RBFOX1: variants seen among roughly 807,000 people sequenced by gnomAD.
RBFOX1 encodes RNA binding fox-1 homolog 1, also known as RNA binding protein fox-1 homolog 1.
In RBFOX1, 8 loss-of-function variants were observed where a neutral mutation model predicts 57.7. The observed-to-expected ratio is 0.14, with a 90% CI of 0.08 to 0.25. The LOEUF is 0.25. Ranked by LOEUF, RBFOX1 falls within the 10% of genes least tolerant of loss-of-function variation. The pLI, the probability that RBFOX1 is intolerant of heterozygous loss-of-function variation, is 1.00. For missense variants in RBFOX1, 611 were observed against 548.5 expected, an observed-to-expected ratio of 1.11 and a Z score of -1.14; for synonymous variants, 326 against 222.4, an observed-to-expected ratio of 1.47 and a Z score of -4.15.
intron 4 of RBFOX1, among the ~76,000 whole-genome samples, chr16:7,195,159 C>G (rs2086388398): frequency 6.6e-6 from 1 of 152,120 alleles, no homozygotes; most frequent in African/African-American, 2.4e-5. Flanking sequence ...TATTGCATTT[C>G]TTGTTGGACC....
At chr16:6,398,587 C>T (rs927857054) in intron 2 of RBFOX1, among the ~76,000 whole-genome samples, 8 of 152,122 alleles carry the variant, frequency 5.3e-5, no homozygotes, top group African/African-American at 1.9e-4. Flanking sequence ...GTCCAAAATC[C>T]ATTAGGGCAG....
intron 3 of RBFOX1, among the ~76,000 whole-genome samples, chr16:6,672,942 T>C (rs1460613052): frequency 6.6e-6 from 1 of 152,154 alleles, no homozygotes; most frequent in Non-Finnish European, 1.5e-5. Flanking sequence ...TGTGGGATGT[T>C]GATCAACCTG....
At chr16:7,402,167 C>G (rs769613087) in intron 4 of RBFOX1, among the ~76,000 whole-genome samples, 1 of 152,036 alleles carries the variant, frequency 6.6e-6, no homozygotes, top group Non-Finnish European at 1.5e-5. Flanking sequence ...TTATAAAACT[C>G]GAGCTGTGAT....
chr16:6,823,570 C>A (rs542348790), intron 3 of RBFOX1, among the ~76,000 whole-genome samples: 1 of 152,142 alleles, frequency 6.6e-6, no homozygotes, highest in East Asian at 1.9e-4. Context: ...ACATGAAATT[C>A]TTATAAGGGA....
intron 2 of RBFOX1, among the ~76,000 whole-genome samples, chr16:5,579,433 C>T (rs569000554): frequency 1.2e-4 from 18 of 152,172 alleles, no homozygotes; most frequent in Non-Finnish European, 2.6e-4. Flanking sequence ...TCTTACTGTG[C>T]TCCCCGCATC....
chr16:6,215,070 G>A (rs1317769554), intron 1 of RBFOX1, among the ~76,000 whole-genome samples: 1 of 135,242 alleles, frequency 7.4e-6, no homozygotes, highest in Non-Finnish European at 1.6e-5. Context: ...AGAGGGACGG[G>A]GAGATGGGGA....
intron 1 of RBFOX1, among the ~76,000 whole-genome samples, chr16:5,333,339 G>C (rs1450615182): frequency 6.6e-6 from 1 of 152,350 alleles, no homozygotes; most frequent in East Asian, 1.9e-4. Flanking sequence ...CCATTCGTTT[G>C]CATATTGTGT....
At chr16:7,432,043 C>T (rs935422676) in intron 4 of RBFOX1, among the ~76,000 whole-genome samples, 1 of 152,220 alleles carries the variant, frequency 6.6e-6, no homozygotes, top group Non-Finnish European at 1.5e-5. Context: ...TTACACCCAG[C>T]CCAGTGGGAA....
chr16:6,353,550 C>A (rs2152851383), intron 2 of RBFOX1, among the ~76,000 whole-genome samples: 1 of 152,046 alleles, frequency 6.6e-6, no homozygotes, highest in Middle Eastern at 3.4e-3. Context: ...TTTGCTGGAC[C>A]TAGAGAGCCA....
chr16:6,515,610 C>A (rs569303904), intron 2 of RBFOX1, among the ~76,000 whole-genome samples: 1 of 152,218 alleles, frequency 6.6e-6, no homozygotes, highest in East Asian at 1.9e-4. Flanking sequence ...GGATCAAAAT[C>A]CTTCCATTAT....
intron 4 of RBFOX1, among the ~76,000 whole-genome samples, chr16:7,144,170 A>G (rs534796417): frequency 6.6e-6 from 1 of 152,320 alleles, no homozygotes; most frequent in East Asian, 1.9e-4. Context: ...TGTTTAAGAA[A>G]GGACATGGAT....
chr16:5,564,007 T>G (rs1275707094), intron 2 of RBFOX1, among the ~76,000 whole-genome samples: 1 of 151,674 alleles, frequency 6.6e-6, no homozygotes, highest in Non-Finnish European at 1.5e-5. Flanking sequence ...TAGGAGAGAG[T>G]TTTTTTAAAA....
At chr16:6,852,008 C>G (rs1276243660) in intron 3 of RBFOX1, among the ~76,000 whole-genome samples, 1 of 148,988 alleles carries the variant, frequency 6.7e-6, no homozygotes, top group Non-Finnish European at 1.5e-5. Context: ...TCACTGCAAG[C>G]TCCATCTCCC....
intron 3 of RBFOX1, among the ~76,000 whole-genome samples, chr16:6,835,399 G>T (rs368668242): frequency 6.6e-6 from 1 of 151,974 alleles, no homozygotes; most frequent in Non-Finnish European, 1.5e-5. Context: ...TGTATTAAAG[G>T]GACACAAGAT....
At chr16:5,817,341 A>T (rs2055679717) in intron 3 of RBFOX1, among the ~76,000 whole-genome samples, 7 of 152,206 alleles carry the variant, frequency 4.6e-5, no homozygotes. Flanking sequence ...CTTGCTGACA[A>T]GCAGGTACTG....
At chr16:7,288,234 A>G (rs1412937460) in intron 4 of RBFOX1, among the ~76,000 whole-genome samples, 1 of 152,224 alleles carries the variant, frequency 6.6e-6, no homozygotes, top group Non-Finnish European at 1.5e-5. Flanking sequence ...CTGGAGAAAG[A>G]ATCCACTCTC....
At chr16:6,377,152 G>A (rs1024627263) in intron 2 of RBFOX1, among the ~76,000 whole-genome samples, 2 of 151,704 alleles carry the variant, frequency 1.3e-5, no homozygotes, top group Non-Finnish European at 2.9e-5. Context: ...GCCTGTGCCT[G>A]TAGGCCCAGC....
At chr16:7,660,555 C>T (rs950744643) in intron 12 of RBFOX1, among the ~76,000 whole-genome samples, 1 of 152,214 alleles carries the variant, frequency 6.6e-6, no homozygotes, top group Non-Finnish European at 1.5e-5. Flanking sequence ...GTGATGAGAA[C>T]TTTCCCGTAA....
In RBFOX1 at chr16:5,713,895, T is replaced by C. The variant is rs560994597; in HGVS notation, c.318+114934T>C. On this transcript the variant is annotated intron_variant, in intron 3 of 19. Coordinates refer to the RBFOX1 transcript ENST00000641259. ...GTTGGAAGTGAGGAGGAAGCCCAGA[T>C]CATCTACGTTGCAATCTTCCAGTGA... Among the ~76,000 whole-genome samples the C allele has an allele frequency of 2.6e-5, 4 of 152,322 alleles. No individual in the cohort carries two copies. The East Asian group carries it at 7.7e-4, about 29-fold the overall frequency.
Sources: gnomAD v4.1 joint callset for allele counts (sites outside exome capture counted in the v4.1 genomes callset) on GRCh38, gnomAD v4.1.1 for gene constraint, MANE v1.5 for transcripts, NCBI Gene and HGNC (gene_info 2026-07-23, HGNC 2026-07-21) for gene names.